The following ALDH4A1 variants were observed in gnomAD, a reference collection of about 807,000 sequenced individuals.
The protein encoded by ALDH4A1 is aldehyde dehydrogenase 4 family member A1.
ALDH4A1 carries 46 observed loss-of-function variants against 70.5 expected under a neutral mutation model. The observed-to-expected ratio is 0.65, with a 90% confidence interval of 0.51 to 0.83. The LOEUF (loss-of-function observed/expected upper bound fraction) is 0.83. ALDH4A1 is among the 40% of genes least tolerant of loss of function. The pLI, the probability that ALDH4A1 is intolerant of heterozygous loss-of-function variation, is 0.00. For synonymous variants in ALDH4A1, 323 were observed against 324.3 expected, an observed-to-expected ratio of 1.00 and a Z score of 0.04; for missense variants, 749 against 766.5, an observed-to-expected ratio of 0.98 and a Z score of 0.27.
chr1:18,877,814 G>A (rs1451636574), intron 9 of ALDH4A1, among the ~76,000 whole-genome samples: 2 of 152,216 alleles, frequency 1.3e-5, no homozygotes, highest in East Asian at 3.9e-4. Context: ...CCACAGATGA[G>A]GAAACTGAGG....
chr1:18,877,770 C>T (rs1934782009), intron 9 of ALDH4A1, among the ~76,000 whole-genome samples, 158 bp from the exon 10 acceptor site: 1 of 152,214 alleles, frequency 6.6e-6, no homozygotes, highest in Non-Finnish European at 1.5e-5. Flanking sequence ...GGCCAACATC[C>T]CAGAGACCCA....
chr1:18,902,451 TG>T lies in ALDH4A1; in HGVS notation c.62+10del. 1 of 1,363,266 alleles carries T rather than the reference TG, an allele frequency of 7.3e-7. No individual in the cohort carries two copies. Among genetic ancestry groups the T allele is most frequent in the Non-Finnish European group, 9.4e-7 (1 of 1,059,684 alleles). The allele number at this position is 1,363,266 out of a possible 1,614,324, so 84.4% of individuals were successfully genotyped here. A position where few individuals can be genotyped will look rare whatever the true frequency, so the allele number is the denominator to read the frequency against. On this transcript the variant is annotated intron_variant, in intron 1 of 14. Coordinates refer to ENST00000375341, the MANE Select transcript of ALDH4A1 (RefSeq NM_003748.4). ...CGCGCTCGGGCCGCCCCGGGCCCCG[TG>T]CTCACTCACCCGGCCCCGGTCCAGG...
At chr1:18,895,669 T>C (rs2100607757) in intron 1 of ALDH4A1, among the ~76,000 whole-genome samples, 1 of 152,296 alleles carries the variant, frequency 6.6e-6, no homozygotes, top group Middle Eastern at 3.4e-3. Context: ...CACCAGGAGA[T>C]GTCAGGGTTG....
rs758188756 is a variant in ALDH4A1 at position 18,885,564 on chromosome 1, A to G, written c.362T>C (p.Ile121Thr). ...CAGGAAGATCTGGGCCCGGTCTGCA[A>G]TAGGCTTCAGGTCCCACTCTTTCCG... ...AARKEWDLKPIADRAQIFLKA... is the reference protein window; with the variant it reads ...AARKEWDLKPTADRAQIFLKA... The change falls in exon 5 of 15, where the codon ATT becomes ACT. Residue 121 changes from isoleucine (I) to threonine (T), a missense_variant. Physicochemically the swap from Ile to Thr is moderately conservative, Grantham distance 89. Coordinates refer to ENST00000375341, the MANE Select transcript of ALDH4A1 (RefSeq NM_003748.4). 8 of 1,613,312 alleles carry G rather than the reference A, an allele frequency of 5.0e-6. No individual in the cohort carries two copies. The highest frequency in any genetic ancestry group is 1.7e-5 in the Admixed American group (1 of 59,938).
intron 9 of ALDH4A1, 21 bp from the exon 10 acceptor site, chr1:18,877,633 G>GCCCCCCCC: frequency 1.3e-5 from 9 of 683,742 alleles, no homozygotes; most frequent in African/African-American, 1.8e-5. Context: ...CGGGGGTGGG[G>GCCCCCCCC]AAATGACCAG....
chr1:18,894,338 C>T (rs1280564276), intron 1 of ALDH4A1, among the ~76,000 whole-genome samples: 2 of 152,156 alleles, frequency 1.3e-5, no homozygotes, highest in Admixed American at 6.5e-5. Context: ...GTCAGGAGTT[C>T]GAGACCAGCC....
In ALDH4A1 at chr1:18,881,942, C is replaced by T. The variant is rs77612717; in HGVS notation, c.679-55G>A. ...AGGATGGCGCCACCAGCCCCCAACCCCCACCCCACCCTACCCTACAGCATG... is the reference window on the plus strand; with the variant it reads ...AGGATGGCGCCACCAGCCCCCAACCTCCACCCCACCCTACCCTACAGCATG... On this transcript the variant is annotated intron_variant, in intron 7 of 14. Coordinates refer to ENST00000375341, the MANE Select transcript of ALDH4A1 (RefSeq NM_003748.4). 2,660 of 1,505,348 alleles carry T rather than the reference C, an allele frequency of 1.8e-3. 40 individuals are homozygous for T. The African/African-American group carries it at 0.033, about 18-fold the overall frequency. The allele number at this position is 1,505,348 out of a possible 1,614,324, so 93.2% of individuals were successfully genotyped here.
intron 1 of ALDH4A1, chr1:18,890,680 C>T (rs1388044977): frequency 7.1e-6 from 7 of 985,508 alleles, no homozygotes; most frequent in Non-Finnish European, 6.0e-6. Flanking sequence ...TAAGAATAAT[C>T]GCACCGAACT....
chr1:18,881,993 ACT>A, intron 7 of ALDH4A1, 106 bp from the exon 8 acceptor site: 4 of 1,147,888 alleles, frequency 3.5e-6, no homozygotes, highest in African/African-American at 1.6e-5. Context: ...GAACCACCAG[ACT>A]CTGTGCCAAC....
intron 2 of ALDH4A1, 36 bp from the exon 3 acceptor site, chr1:18,889,490 C>T (rs1216604370): frequency 4.6e-6 from 7 of 1,510,058 alleles, no homozygotes; most frequent in Middle Eastern, 1.7e-4. Flanking sequence ...TGGTCACCGC[C>T]TTCCTCGCTT....
chr1:18,874,818 CG>C (rs1934602787), intron 13 of ALDH4A1, among the ~76,000 whole-genome samples: 1 of 152,200 alleles, frequency 6.6e-6, no homozygotes, highest in South Asian at 2.1e-4. Flanking sequence ...AGGGCTACTG[CG>C]AAGTTGAAGG....
intron 5 of ALDH4A1, among the ~76,000 whole-genome samples, chr1:18,884,272 C>T (rs1935105676): frequency 6.6e-6 from 1 of 152,200 alleles, no homozygotes; most frequent in Non-Finnish European, 1.5e-5. Context: ...TCTAAGAAGG[C>T]ATTTAGCAGG....
At position 18,877,265 on chromosome 1, in the gene ALDH4A1, AGG is replaced by A. The variant is rs760988407; in HGVS notation, c.1138-12_1138-11del. ...CAAAATCCTCTGCAGGCTGGAGGCA[AGG>A]GAGGCGCCAGAAGAGACGAGTCACT... is the stretch of plus-strand genomic sequence containing the variant. On this transcript the variant is annotated splice_polypyrimidine_tract_variant and intron_variant, in intron 10 of 14. Coordinates refer to ENST00000375341, the MANE Select transcript of ALDH4A1 (RefSeq NM_003748.4). 2.5e-6 allele frequency: 4 copies of A among 1,602,546 alleles called. No individual in the cohort carries two copies. Among genetic ancestry groups the A allele is most frequent in the Non-Finnish European group, 3.4e-6 (4 of 1,174,076 alleles).
Position 18,886,412 on chromosome 1 carries a change from AGCAGGGGCAGC to A in ALDH4A1, c.297+41_297+51del. 4 of 1,591,526 alleles carry A rather than the reference AGCAGGGGCAGC, an allele frequency of 2.5e-6. No individual in the cohort carries two copies. In the South Asian group the frequency reaches 4.4e-5, roughly 18 times the overall value. ...GCCATATCAGCAGCTGGCAGGGCAGAGCAGGGGCAGCAACCCTAACCCCGGGTCACCAGGCA... is the reference window on the plus strand; with the variant it reads ...GCCATATCAGCAGCTGGCAGGGCAGAAACCCTAACCCCGGGTCACCAGGCA... On this transcript the variant is annotated intron_variant, in intron 4 of 14. Coordinates refer to ENST00000375341, the MANE Select transcript of ALDH4A1 (RefSeq NM_003748.4).
Position 18,872,628 on chromosome 1 carries a change from G to C in ALDH4A1, c.*217C>G. The C allele has an allele frequency of 1.9e-6, 1 of 529,878 alleles. No homozygotes were observed. Among genetic ancestry groups the C allele is most frequent in the Non-Finnish European group, 3.4e-6 (1 of 295,434 alleles). 32.8% of individuals were successfully genotyped at this position (529,878 alleles called of 1,614,324 possible). A position where few individuals can be genotyped will look rare whatever the true frequency, so the allele number is the denominator to read the frequency against. On this transcript the variant is annotated 3_prime_UTR_variant, in exon 15 of 15. Transcript: ENST00000375341. ...GTCATACCTCCCACATGGCCGATGG[G>C]ATAAGGGGTAGTGGCCATGTTCCTC... is the stretch of plus-strand genomic sequence containing the variant.
chr1:18,897,094 C>T (rs530117318), intron 1 of ALDH4A1: 9 of 534,130 alleles, frequency 1.7e-5, no homozygotes, highest in Non-Finnish European at 3.5e-5. Context: ...ATCCAAAAAT[C>T]CAAAATCCGA....
intron 1 of ALDH4A1, among the ~76,000 whole-genome samples, chr1:18,895,930 C>A (rs1474208815): frequency 2.0e-5 from 3 of 152,180 alleles, no homozygotes; most frequent in Non-Finnish European, 2.9e-5. Flanking sequence ...AGAAACTACT[C>A]AGTGGCTTCT....
At chr1:18,885,760 G>A (rs1935177609) in intron 4 of ALDH4A1, 132 bp from the exon 5 acceptor site, 1 of 1,305,872 alleles carries the variant, frequency 7.7e-7, no homozygotes, top group Admixed American at 2.1e-5. Flanking sequence ...TGGGCCCTCA[G>A]CCCCCTGCCA....
intron 3 of ALDH4A1, among the ~76,000 whole-genome samples, chr1:18,887,443 C>CA (rs1299348040): frequency 1.3e-5 from 2 of 152,236 alleles, no homozygotes; most frequent in African/African-American, 2.4e-5. Flanking sequence ...ACTAAAAATA[C>CA]AAAAAATTAG....
Sources: allele counts gnomAD v4.1 joint callset (sites outside exome capture counted in the v4.1 genomes callset), GRCh38; gene constraint gnomAD v4.1.1; transcripts MANE v1.5; gene names NCBI Gene and HGNC (gene_info 2026-07-23, HGNC 2026-07-21).